Variants in INSIG1 observed in about 807,000 individuals in gnomAD.
INSIG1 encodes insulin induced gene 1.
In INSIG1, 14 loss-of-function variants were observed where a neutral mutation model predicts 26.5. That is an observed-to-expected ratio of 0.53 (90% CI 0.35 to 0.83). The LOEUF (loss-of-function observed/expected upper bound fraction) is 0.83, where lower values mean the gene tolerates loss of function less well. Among genes scored for constraint, INSIG1 ranks in the 40% least tolerant of loss-of-function variants. The pLI is 0.01. For synonymous variants in INSIG1, 147 were observed against 153.3 expected (o/e 0.96, Z 0.30); for missense variants, 272 against 368.9 (o/e 0.74, Z 2.15).
Position 155,308,232 on chromosome 7 carries a change from TACACATAGGG to T in INSIG1, c.805-8_806del. On this transcript the variant is annotated splice_acceptor_variant and splice_polypyrimidine_tract_variant and coding_sequence_variant and intron_variant, in exon 6 of 6. Coordinates refer to ENST00000340368, the MANE Select transcript of INSIG1 (RefSeq NM_005542.6). LOFTEE classifies it high-confidence loss of function. The stretch of plus-strand genomic sequence containing the variant: ...TCTCTTTCCTTTTTTTTTTCCTTTC[TACACATAGGG>T]TGTTCCTGAAAAGCCCCATAGTGAT... 1 of 1,438,408 alleles carries T rather than the reference TACACATAGGG, an allele frequency of 7.0e-7. No individual in the cohort carries two copies. Among genetic ancestry groups the T allele is most frequent in the African/African-American group, 1.4e-5 (1 of 70,188 alleles). The allele number at this position is 1,438,408 out of a possible 1,614,324, so 89.1% of individuals were successfully genotyped here.
intron 5 of INSIG1, among the ~76,000 whole-genome samples, chr7:155,307,932 T>TA (rs1326680986): frequency 3.3e-5 from 5 of 152,220 alleles, no homozygotes; most frequent in African/African-American, 1.2e-4. Context: ...ACCAATATCT[T>TA]ACACTTATAT....
intron 2 of INSIG1, among the ~76,000 whole-genome samples, chr7:155,300,495 T>G (rs11980656): frequency 0.71 from 107,667 of 151,992 alleles, 38,451 homozygotes; most frequent in Non-Finnish European, 0.74. Flanking sequence ...GAACCTAAAA[T>G]GTATATTTCT....
At chr7:155,301,804 G>A in intron 3 of INSIG1, 114 bp downstream of exon 3, 8 of 970,070 alleles carry the variant, frequency 8.2e-6, no homozygotes, top group Non-Finnish European at 1.1e-5. Flanking sequence ...CATGATGGTG[G>A]TACCTACCCA....
At position 155,308,389 on chromosome 7, in the gene INSIG1, A is replaced by G. The variant is rs1377874922; in HGVS notation, c.*119A>G. 4.9e-6 allele frequency: 6 copies of G among 1,214,858 alleles called. No individual in the cohort carries two copies. The highest frequency in any genetic ancestry group is 7.3e-6 in the Non-Finnish European group (6 of 820,178). 75.3% of individuals were successfully genotyped at this position (1,214,858 alleles called of 1,614,324 possible). A position where few individuals can be genotyped will look rare whatever the true frequency, so the allele number is the denominator to read the frequency against. ...CTATTTAGATCGGGCTGACTGTACA[A>G]ATGACTCCTGGAAAAAACTCTTCAC... On this transcript the variant is annotated 3_prime_UTR_variant, in exon 6 of 6. Coordinates refer to ENST00000340368, the MANE Select transcript of INSIG1 (RefSeq NM_005542.6).
chr7:155,307,659 G>T (rs1348127397), intron 5 of INSIG1, among the ~76,000 whole-genome samples: 1 of 152,190 alleles, frequency 6.6e-6, no homozygotes, highest in Non-Finnish European at 1.5e-5. Flanking sequence ...GAAGCTCTGT[G>T]TGAATTGAGG....
At chr7:155,298,110 C>T (rs1264643003) in intron 1 of INSIG1, 149 bp from the exon 2 acceptor site, 1 of 541,228 alleles carries the variant, frequency 1.8e-6, no homozygotes, top group Non-Finnish European at 2.9e-6. Context: ...AGCGCGGGTC[C>T]CGTCCGCCGC....
At position 155,302,115 on chromosome 7, in the gene INSIG1, T is replaced by C. The variant is rs1346075762; in HGVS notation, c.538-136T>C. 1.7e-6 allele frequency: 1 copy of C among 599,228 alleles called. No individual in the cohort carries two copies. Among genetic ancestry groups the C allele is most frequent in the Non-Finnish European group, 2.7e-6 (1 of 368,712 alleles). The allele number at this position is 599,228 out of a possible 1,614,324, so 37.1% of individuals were successfully genotyped here. On this transcript the variant is annotated intron_variant, in intron 3 of 5. Coordinates refer to ENST00000340368, the MANE Select transcript of INSIG1 (RefSeq NM_005542.6). This position sits in a 1 kb window ranked among gnomAD's most constrained non-coding sequence, Gnocchi z 4.3. ...GTATCCAACAAATCCTTTCTTTAGC[T>C]TATTACACAGTTTTTATGGACAGTG... is the stretch of plus-strand genomic sequence containing the variant.
chr7:155,301,972 T>G (rs1797801583), intron 3 of INSIG1, among the ~76,000 whole-genome samples: 1 of 147,616 alleles, frequency 6.8e-6, no homozygotes, highest in Non-Finnish European at 1.5e-5. Flanking sequence ...AATATATATT[T>G]ATATAAATAT....
chr7:155,303,786 C>T (rs1392357804), intron 5 of INSIG1: 1 of 1,202,228 alleles, frequency 8.3e-7, no homozygotes, highest in African/African-American at 1.6e-5. Context: ...ATCTTAGTAC[C>T]TCATGCTATT....
chr7:155,304,601 A>G (rs1404672721), intron 5 of INSIG1, among the ~76,000 whole-genome samples: 1 of 152,250 alleles, frequency 6.6e-6, no homozygotes, highest in Non-Finnish European at 1.5e-5. Context: ...TGGTGGAGGT[A>G]GAAATTTCAC....
chr7:155,309,655 GT>G lies in INSIG1; in HGVS notation c.*1386del, dbSNP rs1798031442. ...AATGGAAGCTTAGAGGAACTTGCCT[GT>G]GAGCGCTGGTCTTTGTGTTTGGTTT... On this transcript the variant is annotated 3_prime_UTR_variant, in exon 6 of 6. Transcript: ENST00000340368. 1 of 152,244 alleles carries G rather than the reference GT, an allele frequency of 6.6e-6. No homozygotes were observed. The highest frequency in any genetic ancestry group is 1.5e-5 in the Non-Finnish European group (1 of 68,046). 9.4% of individuals were successfully genotyped at this position (152,244 alleles called of 1,614,324 possible).
At position 155,298,413 on chromosome 7, in the gene INSIG1, C is replaced by T. The variant is rs1228250112; in HGVS notation, c.128C>T (p.Ser43Phe). Residue 43 changes from serine (S) to phenylalanine (F), a missense_variant, in exon 2 of 6, where the codon TCC (serine) becomes TTC (phenylalanine). Physicochemically the swap from Ser to Phe is radical, Grantham distance 155. Transcript: ENST00000340368. ...KVGEMINVSV[S>F]GPSLLAAHGA... ...GGGGAGATGATCAACGTTTCCGTGTCCGGGCCCTCCCTGCTGGCGGCCCAC... is the reference window on the plus strand; with the variant it reads ...GGGGAGATGATCAACGTTTCCGTGTTCGGGCCCTCCCTGCTGGCGGCCCAC... 6.4e-7 allele frequency: 1 copy of T among 1,558,342 alleles called. No homozygotes were observed. The highest frequency in any genetic ancestry group is 1.2e-5 in the South Asian group (1 of 85,628).
At chr7:155,305,798 C>A (rs1407089637) in intron 5 of INSIG1, among the ~76,000 whole-genome samples, 1 of 152,142 alleles carries the variant, frequency 6.6e-6, no homozygotes, top group Non-Finnish European at 1.5e-5. Flanking sequence ...TGCTTCCCTC[C>A]CTTAAGAAGA....
At chr7:155,301,832 G>A (rs1797793177) in intron 3 of INSIG1, 142 bp downstream of exon 3, 1 of 688,274 alleles carries the variant, frequency 1.5e-6, no homozygotes, top group Non-Finnish European at 2.1e-6. Context: ...TTACTAAAAA[G>A]AGAAAGAAGA....
intron 5 of INSIG1, chr7:155,303,899 G>A: frequency 7.4e-7 from 1 of 1,358,954 alleles, no homozygotes; most frequent in Non-Finnish European, 9.8e-7. Flanking sequence ...ATTACAGGTA[G>A]AATTTGCAGT....
Position 155,302,694 on chromosome 7 carries a change from A to G in INSIG1, c.705-53A>G. On this transcript the variant is annotated intron_variant, in intron 4 of 5. Coordinates refer to ENST00000340368, the MANE Select transcript of INSIG1 (RefSeq NM_005542.6). This position sits in a 1 kb window ranked among gnomAD's most constrained non-coding sequence, Gnocchi z 4.3. ...CCACTACAGAGAATCTGTGATGTAG[A>G]ATTGAGCCAGGTGAAATTGACTGCT... The G allele has an allele frequency of 8.1e-7, 1 of 1,228,000 alleles. No homozygotes were observed. Among genetic ancestry groups the G allele is most frequent in the South Asian group, 1.2e-5 (1 of 82,644 alleles). 76.1% of individuals were successfully genotyped at this position (1,228,000 alleles called of 1,614,324 possible).
chr7:155,300,657 C>G (rs1381488905), intron 2 of INSIG1, among the ~76,000 whole-genome samples: 1 of 152,190 alleles, frequency 6.6e-6, no homozygotes, highest in African/African-American at 2.4e-5. Context: ...TTTTACTTCT[C>G]TTTTGGAATG....
In INSIG1 at chr7:155,302,519, T is replaced by C; in HGVS notation, c.704+102T>C. On this transcript the variant is annotated intron_variant, in intron 4 of 5. Coordinates refer to ENST00000340368, the MANE Select transcript of INSIG1 (RefSeq NM_005542.6). This position sits in a 1 kb window ranked among gnomAD's most constrained non-coding sequence, Gnocchi z 4.3. ...TTTCATATTTTATTTGTTTTTTATA[T>C]AGAATGATACAGATTTAGGCATGAA... The C allele has an allele frequency of 8.2e-7, 1 of 1,219,778 alleles. No individual in the cohort carries two copies. The highest frequency in any genetic ancestry group is 1.1e-6 in the Non-Finnish European group (1 of 897,308). The allele number at this position is 1,219,778 out of a possible 1,614,324, so 75.6% of individuals were successfully genotyped here.
intron 5 of INSIG1, among the ~76,000 whole-genome samples, chr7:155,305,070 C>T (rs893126001): frequency 3.3e-5 from 5 of 149,952 alleles, no homozygotes; most frequent in African/African-American, 9.8e-5. Context: ...GGCGTGAACC[C>T]GGGAGGCAGA....
Sources: allele counts gnomAD v4.1 joint callset (sites outside exome capture counted in the v4.1 genomes callset), GRCh38; gene constraint gnomAD v4.1.1; non-coding constraint Gnocchi (gnomAD v3.1); transcripts MANE v1.5; gene names NCBI Gene and HGNC (gene_info 2026-07-23, HGNC 2026-07-21).